Variants in GGACT observed in about 807,000 individuals in gnomAD.
GGACT encodes the protein gamma-glutamylamine cyclotransferase, also known as gamma-glutamylaminecyclotransferase.
For missense variants in GGACT, 241 were observed against 233.2 expected (o/e 1.03, Z -0.22); for synonymous variants, 118 against 115.3 (o/e 1.02, Z -0.15).
intron 2 of GGACT, among the ~76,000 whole-genome samples, chr13:100,581,191 C>T (rs2153017277): frequency 6.6e-6 from 1 of 152,330 alleles, no homozygotes; most frequent in South Asian, 2.1e-4. Flanking sequence ...GACCTAAAAG[C>T]AATGCCACCA....
intron 1 of GGACT, among the ~76,000 whole-genome samples, chr13:100,585,822 C>CAA (rs550006144): frequency 0.026 from 759 of 29,512 alleles, 134 homozygotes; most frequent in Non-Finnish European, 0.036. Flanking sequence ...CTGTCTCCAC[C>CAA]AAAAAAAAAA....
chr13:100,568,888 G>T (rs1425584855), intron 2 of GGACT, among the ~76,000 whole-genome samples: 1 of 152,254 alleles, frequency 6.6e-6, no homozygotes, highest in South Asian at 2.1e-4. Flanking sequence ...AAACAAAGGG[G>T]CTACAGGCCC....
chr13:100,553,805 C>T (rs2088687665), intron 2 of GGACT, among the ~76,000 whole-genome samples: 1 of 145,340 alleles, frequency 6.9e-6, no homozygotes. Flanking sequence ...GATCGCGCCA[C>T]TGCACTCCAG....
rs942677031 is a variant in GGACT at position 100,545,618 on chromosome 13, C to T, written c.-10-13017G>A. Among the ~76,000 whole-genome samples the T allele has an allele frequency of 6.6e-6, 1 of 152,256 alleles. No homozygotes were observed. Among genetic ancestry groups the T allele is most frequent in the African/African-American group, 2.4e-5 (1 of 41,470 alleles). On this transcript the variant is annotated intron_variant, in intron 2 of 2. Coordinates refer to ENST00000683975, the MANE Select transcript of GGACT (RefSeq NM_001195087.2). The surrounding 1 kb of genome is among the most constrained non-coding windows in gnomAD (Gnocchi z 4.4). ...TGGCATGTGCCATGGAACTGGCACTCAGAAGCTGCCACTATCCTGAAATTC... is the reference window on the plus strand; with the variant it reads ...TGGCATGTGCCATGGAACTGGCACTTAGAAGCTGCCACTATCCTGAAATTC...
At chr13:100,565,231 A>G (rs1372515760) in intron 2 of GGACT, among the ~76,000 whole-genome samples, 1 of 152,196 alleles carries the variant, frequency 6.6e-6, no homozygotes, top group East Asian at 1.9e-4. Flanking sequence ...CTCAGATCAG[A>G]GTTCAAAAAA....
chr13:100,532,938 C>T, intron 2 of GGACT, among the ~76,000 whole-genome samples: 1 of 152,206 alleles, frequency 6.6e-6, no homozygotes, highest in East Asian at 1.9e-4. Flanking sequence ...ACATTGGTGA[C>T]TTCCTTGATG....
intron 2 of GGACT, among the ~76,000 whole-genome samples, chr13:100,555,658 G>A (rs936915543): frequency 4.6e-5 from 7 of 151,822 alleles, no homozygotes; most frequent in African/African-American, 7.3e-5. Context: ...AGAGAGAGAC[G>A]CTGTCTCAAA....
intron 2 of GGACT, among the ~76,000 whole-genome samples, chr13:100,535,046 G>C (rs906254263): frequency 6.6e-6 from 1 of 152,224 alleles, no homozygotes; most frequent in Non-Finnish European, 1.5e-5. Context: ...GGCCAGAAGA[G>C]AACTTGGAAA....
At chr13:100,552,852 G>A (rs1594189382) in intron 2 of GGACT, among the ~76,000 whole-genome samples, 1 of 152,188 alleles carries the variant, frequency 6.6e-6, no homozygotes. Flanking sequence ...TGCTGCTGAT[G>A]AGAGGACACT....
In GGACT at chr13:100,540,069, A is replaced by G. The variant is rs564169375; in HGVS notation, c.-10-7468T>C. 90 of 1,344,622 alleles carry G rather than the reference A, an allele frequency of 6.7e-5. No homozygotes were observed. In the African/African-American group the frequency reaches 1.1e-3, roughly 16 times the overall value. The allele number at this position is 1,344,622 out of a possible 1,614,324, so 83.3% of individuals were successfully genotyped here. ...CATACAGCTTGGGAAGCACATAGGC[A>G]TCGAAGACGCTCGCTTCAGAAATGT... On this transcript the variant is annotated intron_variant, in intron 2 of 2. Transcript: ENST00000683975.
chr13:100,569,939 C>A (rs758030968), intron 2 of GGACT, among the ~76,000 whole-genome samples: 16 of 152,214 alleles, frequency 1.1e-4, no homozygotes, highest in Non-Finnish European at 1.9e-4. Context: ...ACAAGTTCCT[C>A]GTTTCCATCT....
chr13:100,566,166 G>C (rs1011152322), intron 2 of GGACT, among the ~76,000 whole-genome samples: 1 of 152,210 alleles, frequency 6.6e-6, no homozygotes, highest in African/African-American at 2.4e-5. Context: ...ACAGACCCAA[G>C]TCAGAATCAC....
At chr13:100,566,371 C>T (rs1358378130) in intron 2 of GGACT, among the ~76,000 whole-genome samples, 2 of 152,242 alleles carry the variant, frequency 1.3e-5, no homozygotes, top group African/African-American at 4.8e-5. Flanking sequence ...ACTTTCTTTG[C>T]TTTCTCGGTT....
At chr13:100,539,597 C>T (rs113455476) in intron 2 of GGACT, 1 of 406,694 alleles carries the variant, frequency 2.5e-6, no homozygotes, top group African/African-American at 2.1e-5. Flanking sequence ...TTGTTGAATT[C>T]TGTTTGCTAG....
At chr13:100,551,102 GT>G (rs35600767) in intron 2 of GGACT, among the ~76,000 whole-genome samples, 3,531 of 152,156 alleles carry the variant, frequency 0.023, 134 homozygotes, top group African/African-American at 0.08. Flanking sequence ...GGCTAACATA[GT>G]GAAACCCCAT....
chr13:100,583,353 T>C (rs1875472201), intron 2 of GGACT, among the ~76,000 whole-genome samples: 1 of 152,234 alleles, frequency 6.6e-6, no homozygotes, highest in Non-Finnish European at 1.5e-5. Flanking sequence ...GCCTAGAGAC[T>C]GTATTACACA....
At chr13:100,557,570 C>T (rs191500387) in intron 2 of GGACT, among the ~76,000 whole-genome samples, 1 of 151,474 alleles carries the variant, frequency 6.6e-6, no homozygotes, top group Admixed American at 6.6e-5. Context: ...TATCCATATG[C>T]AAAAAAAATA....
chr13:100,581,450 G>GC (rs1002435222), intron 2 of GGACT, among the ~76,000 whole-genome samples: 15 of 152,360 alleles, frequency 9.8e-5, no homozygotes, highest in Admixed American at 4.6e-4. Context: ...AATGGCCAAA[G>GC]CAGGAACAAC....
At chr13:100,587,081 C>G (rs1461743310) in intron 1 of GGACT, 1 of 152,226 alleles carries the variant, frequency 6.6e-6, no homozygotes, top group Non-Finnish European at 1.5e-5. Flanking sequence ...TGTCACCTTT[C>G]CTTGGGTCCT....
Sources: allele counts gnomAD v4.1 joint callset (sites outside exome capture counted in the v4.1 genomes callset), GRCh38; gene constraint gnomAD v4.1.1; non-coding constraint Gnocchi (gnomAD v3.1); transcripts MANE v1.5; gene names NCBI Gene and HGNC (gene_info 2026-07-23, HGNC 2026-07-21).